INSR: variants seen among roughly 807,000 people sequenced by gnomAD.
INSR encodes insulin receptor, also known as IR.
In INSR, 67 loss-of-function variants were observed where a neutral mutation model predicts 142.6. The observed-to-expected ratio is 0.47, with a 90% CI of 0.39 to 0.58. The LOEUF is 0.58. INSR is among the 20% of genes least tolerant of loss of function. The pLI, the probability that INSR is intolerant of heterozygous loss-of-function variation, is 0.00. For missense variants in INSR, 1,248 were observed against 1,833.2 expected (o/e 0.68, Z 5.83); for synonymous variants, 756 against 743.1 (o/e 1.02, Z -0.28).
chr19:7,120,772 C>T (rs767608313), intron 19 of INSR, 23 bp from the exon 20 acceptor site: 10 of 1,612,232 alleles, frequency 6.2e-6, no homozygotes, highest in East Asian at 2.2e-5. Context: ...AAGGTTCACA[C>T]GCTCTTAACC....
chr19:7,215,081 G>A (rs1252848730), intron 2 of INSR, among the ~76,000 whole-genome samples: 3 of 151,738 alleles, frequency 2.0e-5, no homozygotes, highest in Admixed American at 6.6e-5. Flanking sequence ...TCAGCCTCCC[G>A]AGTAGCTGGG....
Position 7,166,032 on chromosome 19 carries a change from T to TA in INSR, c.1861+121dup, listed in dbSNP as rs57156578. 274,033 of 957,302 alleles carry TA rather than the reference T, an allele frequency of 0.29. 17,078 individuals carry two copies. The highest frequency in any genetic ancestry group is 0.59 in the African/African-American group (32,147 of 54,266). 59.3% of individuals were successfully genotyped at this position (957,302 alleles called of 1,614,324 possible). A position where few individuals can be genotyped will look rare whatever the true frequency, so the allele number is the denominator to read the frequency against. Reference sequence around the variant, plus strand: ...CTGGGTGACAAAGTAAGACCCTGTCTAAAAAAAAAAAAAAAGCCAATAACC... The same window carrying TA: ...CTGGGTGACAAAGTAAGACCCTGTCTAAAAAAAAAAAAAAAAGCCAATAACC... On this transcript the variant is annotated intron_variant, in intron 8 of 21. Coordinates refer to ENST00000302850, the MANE Select transcript of INSR (RefSeq NM_000208.4). This position sits in a 1 kb window ranked among gnomAD's most constrained non-coding sequence, Gnocchi z 4.1.
At chr19:7,218,094 G>A (rs1244324907) in intron 2 of INSR, among the ~76,000 whole-genome samples, 1 of 151,866 alleles carries the variant, frequency 6.6e-6, no homozygotes, top group Non-Finnish European at 1.5e-5. Flanking sequence ...ATTGCAAAAC[G>A]GTGAGCAAAG....
chr19:7,221,149 G>A (rs1285796389), intron 2 of INSR, among the ~76,000 whole-genome samples: 2 of 152,004 alleles, frequency 1.3e-5, no homozygotes, highest in Non-Finnish European at 2.9e-5. Context: ...TGAGGCGGGC[G>A]GATCACTTGA....
rs185619842 is a variant in INSR at position 7,278,514 on chromosome 19, C to A, written c.101-10618G>T. Among the ~76,000 whole-genome samples the A allele has an allele frequency of 2.1e-3, 324 of 152,296 alleles. 2 individuals carry two copies. Among genetic ancestry groups the A allele is most frequent in the Admixed American group, 7.9e-3 (121 of 15,274 alleles). ...CCAACAATTTCCAGGGATCATGGAC[C>A]CACCAGGGAGGATGAGCTTGAGAAA... On this transcript the variant is annotated intron_variant, in intron 1 of 21. Coordinates refer to ENST00000302850, the MANE Select transcript of INSR (RefSeq NM_000208.4).
At chr19:7,158,918 G>A (rs755776817) in intron 9 of INSR, among the ~76,000 whole-genome samples, 15 of 150,072 alleles carry the variant, frequency 1.0e-4, no homozygotes, top group Non-Finnish European at 1.8e-4. Context: ...GTTTTGTTTT[G>A]TTTTTGGTGG....
intron 2 of INSR, among the ~76,000 whole-genome samples, chr19:7,197,579 T>G (rs13344151): frequency 0.083 from 888 of 10,734 alleles, 156 homozygotes; most frequent in African/African-American, 0.12. Context: ...TGTGTTTGGG[T>G]GTGTGTGTGT....
chr19:7,208,040 C>T (rs1380496947), intron 2 of INSR, among the ~76,000 whole-genome samples: 1 of 151,982 alleles, frequency 6.6e-6, no homozygotes, highest in East Asian at 1.9e-4. Flanking sequence ...AGAGCTGGCC[C>T]CTCTTCCAGC....
chr19:7,150,474 G>C lies in INSR; in HGVS notation c.2267+23C>G. The C allele has an allele frequency of 6.2e-7, 1 of 1,613,286 alleles. No homozygotes were observed. The highest frequency in any genetic ancestry group is 8.5e-7 in the Non-Finnish European group (1 of 1,179,302). On this transcript the variant is annotated intron_variant, in intron 11 of 21. Coordinates refer to ENST00000302850, the MANE Select transcript of INSR (RefSeq NM_000208.4). This position sits in a 1 kb window ranked among gnomAD's most constrained non-coding sequence, Gnocchi z 4.2. ...CCGGCCCTGCGCGGAGCAGGCACCAGGGGTCGCACAGGTGAGTCATACCTA... is the reference window on the plus strand; with the variant it reads ...CCGGCCCTGCGCGGAGCAGGCACCACGGGTCGCACAGGTGAGTCATACCTA...
chr19:7,177,511 G>GT (rs1275520965), intron 3 of INSR, among the ~76,000 whole-genome samples: 2 of 151,538 alleles, frequency 1.3e-5, no homozygotes, highest in Non-Finnish European at 2.9e-5. Flanking sequence ...TAAGTCAATG[G>GT]TTTTTTTGTT....
intron 1 of INSR, among the ~76,000 whole-genome samples, chr19:7,290,816 A>C (rs1046551297): frequency 5.9e-5 from 9 of 151,262 alleles, no homozygotes; most frequent in African/African-American, 2.2e-4. Context: ...TCACTCCTGT[A>C]ATCCCAACAC....
Position 7,155,130 on chromosome 19 carries a change from C to T in INSR, c.2030-2203G>A, listed in dbSNP as rs146667748. Among the ~76,000 whole-genome samples, 410 of 152,270 alleles carry T rather than the reference C, an allele frequency of 2.7e-3. 4 individuals carry two copies. The highest frequency in any genetic ancestry group is 9.3e-3 in the African/African-American group (386 of 41,566). The stretch of plus-strand genomic sequence containing the variant: ...GTCTCAAAGAAAGTCACCACTGAGA[C>T]ATCCTGAATTCAGCAAAGGAAAGCA... On this transcript the variant is annotated intron_variant, in intron 9 of 21. Coordinates refer to ENST00000302850, the MANE Select transcript of INSR (RefSeq NM_000208.4).
At chr19:7,253,111 C>CAAAAA (rs534566042) in intron 2 of INSR, among the ~76,000 whole-genome samples, 1 of 136,806 alleles carries the variant, frequency 7.3e-6, no homozygotes, top group African/African-American at 2.6e-5. Flanking sequence ...GAGACTCCGC[C>CAAAAA]AAAAAAAAAA....
At position 7,140,745 on chromosome 19, in the gene INSR, G is replaced by A. The variant is rs1034464891; in HGVS notation, c.2682+932C>T. Among the ~76,000 whole-genome samples the A allele has an allele frequency of 3.5e-5, 5 of 141,746 alleles. No individual in the cohort carries two copies. The South Asian group carries it at 6.5e-4, about 18-fold the overall frequency. The allele number at this position is 141,746 out of a possible 152,430, so 93.0% of individuals were successfully genotyped here. A position where few individuals can be genotyped will look rare whatever the true frequency, so the allele number is the denominator to read the frequency against. ...ACAGTACTCAGGATCTATATTCTAC[G>A]AAAAAAATAAAATTAGAATTAACGG... On this transcript the variant is annotated intron_variant, in intron 13 of 21. Transcript: ENST00000302850.
intron 2 of INSR, among the ~76,000 whole-genome samples, chr19:7,198,898 T>TG (rs1568481833): frequency 0.011 from 1,709 of 149,396 alleles, 9 homozygotes; most frequent in African/African-American, 0.021. Flanking sequence ...TACACTTTTT[T>TG]TGGGGGGGGG....
At chr19:7,277,627 C>T (rs1968100019) in intron 1 of INSR, among the ~76,000 whole-genome samples, 1 of 151,860 alleles carries the variant, frequency 6.6e-6, no homozygotes, top group Non-Finnish European at 1.5e-5. Flanking sequence ...CAAAACCCTA[C>T]CTCTACTAAA....
intron 14 of INSR, among the ~76,000 whole-genome samples, chr19:7,129,796 G>A (rs1419890223): frequency 1.3e-5 from 2 of 151,938 alleles, no homozygotes; most frequent in Non-Finnish European, 2.9e-5. Flanking sequence ...GGAGTACAGT[G>A]GCACAATCAC....
intron 2 of INSR, among the ~76,000 whole-genome samples, chr19:7,217,443 G>A (rs1443174643): frequency 6.6e-6 from 1 of 152,192 alleles, no homozygotes; most frequent in East Asian, 1.9e-4. Flanking sequence ...GGATTACGAT[G>A]TGGGCATCTC....
intron 2 of INSR, among the ~76,000 whole-genome samples, chr19:7,226,413 GAAAAAAAAAAAA>G (rs71177176): frequency 2.2e-5 from 2 of 89,656 alleles, no homozygotes; most frequent in African/African-American, 9.0e-5. Context: ...CGTCTCAAGG[GAAAAAAAAAAAA>G]AAAAAAAACA....
Sources: gnomAD v4.1 joint callset for allele counts (sites outside exome capture counted in the v4.1 genomes callset) on GRCh38, gnomAD v4.1.1 for gene constraint, Gnocchi (gnomAD v3.1) non-coding constraint, MANE v1.5 for transcripts, NCBI Gene and HGNC (gene_info 2026-07-23, HGNC 2026-07-21) for gene names.